Variants in EYS observed in about 807,000 individuals in gnomAD.
EYS encodes the protein EGF-like photoreceptor maintenance factor, also known as protein eyes shut homolog.
EYS carries 250 observed loss-of-function variants against 282.1 expected under a neutral mutation model. That is an observed-to-expected ratio of 0.89 (90% CI 0.80 to 0.98). The LOEUF (loss-of-function observed/expected upper bound fraction) is 0.98. Among genes scored for constraint, EYS ranks in the 50% least tolerant of loss-of-function variants. The probability of loss-of-function intolerance (pLI) is 0.00; values close to 1 mark genes in which losing one functional copy is unlikely to be tolerated. For synonymous variants in EYS, 1,355 were observed against 1,282.9 expected (o/e 1.06, Z -1.20); for missense variants, 4,016 against 3,709.0 (o/e 1.08, Z -2.15).
intron 22 of EYS, among the ~76,000 whole-genome samples, chr6:64,745,133 T>A (rs1308416199): frequency 6.6e-6 from 1 of 152,182 alleles, no homozygotes; most frequent in Non-Finnish European, 1.5e-5. Context: ...TGTTTCATTT[T>A]TTTCTTTGAA....
At chr6:64,545,552 A>G (rs1180581349) in intron 26 of EYS, among the ~76,000 whole-genome samples, 4 of 152,152 alleles carry the variant, frequency 2.6e-5, no homozygotes, top group African/African-American at 9.7e-5. Flanking sequence ...AATAAAGGGT[A>G]TTCAGTTAGG....
At chr6:64,242,151 G>A (rs1766855745) in intron 30 of EYS, among the ~76,000 whole-genome samples, 1 of 152,140 alleles carries the variant, frequency 6.6e-6, no homozygotes, top group African/African-American at 2.4e-5. Flanking sequence ...TTGACTTGGA[G>A]TGGAGAGTTC....
intron 21 of EYS, among the ~76,000 whole-genome samples, chr6:64,817,045 A>C (rs1006424352): frequency 6.6e-6 from 1 of 151,802 alleles, no homozygotes; most frequent in African/African-American, 2.4e-5. Flanking sequence ...TGTGTGTGTA[A>C]TGAATGTTCC....
At chr6:64,664,982 C>A (rs751357728) in intron 22 of EYS, among the ~76,000 whole-genome samples, 30 of 152,112 alleles carry the variant, frequency 2.0e-4, no homozygotes, top group Non-Finnish European at 4.0e-4. Context: ...CTATAGAGTA[C>A]ATCAATTTCT....
chr6:63,980,041 A>G (rs1162721684), intron 35 of EYS, among the ~76,000 whole-genome samples: 1 of 151,896 alleles, frequency 6.6e-6, no homozygotes, highest in Non-Finnish European at 1.5e-5. Flanking sequence ...CAAGGTACAA[A>G]AATTAGTGAT....
chr6:64,199,832 A>G (rs991614830), intron 31 of EYS, among the ~76,000 whole-genome samples: 54 of 152,294 alleles, frequency 3.5e-4, no homozygotes, highest in African/African-American at 1.2e-3. Flanking sequence ...GCTCTTAGGT[A>G]TTTACTGATA....
At chr6:64,230,903 A>AT (rs1475435049) in intron 30 of EYS, 79 bp from the exon 31 acceptor site, 1 of 851,862 alleles carries the variant, frequency 1.2e-6, no homozygotes, top group Non-Finnish European at 1.8e-6. Flanking sequence ...AGAAAATTTG[A>AT]TTTAATATAA....
intron 12 of EYS, among the ~76,000 whole-genome samples, chr6:65,109,244 C>A (rs6934070): frequency 1.3e-5 from 2 of 151,524 alleles, no homozygotes; most frequent in African/African-American, 4.8e-5. Context: ...GGTCGAAACT[C>A]TTGATTTTCC....
intron 30 of EYS, among the ~76,000 whole-genome samples, chr6:64,264,067 G>T (rs1270033543): frequency 6.6e-6 from 1 of 150,878 alleles, no homozygotes; most frequent in Non-Finnish European, 1.5e-5. Context: ...AGATATTTTA[G>T]ATGGAATATT....
intron 22 of EYS, among the ~76,000 whole-genome samples, chr6:64,627,872 G>A (rs1260376185): frequency 6.6e-6 from 1 of 152,174 alleles, no homozygotes; most frequent in African/African-American, 2.4e-5. Flanking sequence ...GAGGTCAGGA[G>A]ATCGAGACCA....
chr6:63,861,767 T>C (rs922564269), intron 36 of EYS, among the ~76,000 whole-genome samples: 1 of 152,184 alleles, frequency 6.6e-6, no homozygotes, highest in Non-Finnish European at 1.5e-5. Context: ...GGGAGCTAGT[T>C]AGTCCCTTCC....
rs150087880 is a variant in EYS at position 65,311,398 on chromosome 6, C to T, written c.1767-15279G>A. ...AGCTGCTTTATGCATATTTGACCAA[C>T]GTTGCACTTTAAGCAATTACAGATA... On this transcript the variant is annotated intron_variant, in intron 11 of 42. Coordinates refer to ENST00000503581, the MANE Select transcript of EYS (RefSeq NM_001142800.2). Among the ~76,000 whole-genome samples, 976 of 152,284 alleles carry T rather than the reference C, an allele frequency of 6.4e-3. 6 individuals carry two copies. Among genetic ancestry groups the T allele is most frequent in the Non-Finnish European group, 0.01 (682 of 68,028 alleles).
intron 2 of EYS, among the ~76,000 whole-genome samples, chr6:65,585,592 G>T (rs1765017137): frequency 6.6e-6 from 1 of 151,804 alleles, no homozygotes; most frequent in African/African-American, 2.4e-5. Context: ...TTCAATAACA[G>T]TTTTTAGTGT....
At chr6:64,622,446 G>T (rs781716319) in intron 23 of EYS, among the ~76,000 whole-genome samples, 3 of 152,092 alleles carry the variant, frequency 2.0e-5, no homozygotes, top group Non-Finnish European at 4.4e-5. Context: ...TTATATCCAG[G>T]TTAAATTTCA....
intron 31 of EYS, among the ~76,000 whole-genome samples, chr6:64,168,072 C>A (rs975911807): frequency 3.9e-5 from 6 of 152,098 alleles, no homozygotes; most frequent in Non-Finnish European, 5.9e-5. Flanking sequence ...ACCATCCTGG[C>A]TAACACTGTG....
rs1414522471 is a variant in EYS at position 64,689,204 on chromosome 6, G to T, written c.3444-62959C>A. Among the ~76,000 whole-genome samples, 10 of 152,240 alleles carry T rather than the reference G, an allele frequency of 6.6e-5. No individual in the cohort carries two copies. In the East Asian group the frequency reaches 1.9e-3, roughly 29 times the overall value. ...AGACAAACAGAGAGCCAAATCATGAGTGAACTCCCATTCACAATTGCTTCA... is the reference window on the plus strand; with the variant it reads ...AGACAAACAGAGAGCCAAATCATGATTGAACTCCCATTCACAATTGCTTCA... On this transcript the variant is annotated intron_variant, in intron 22 of 42. Transcript: ENST00000503581.
chr6:64,963,908 AT>A (rs1285185470), intron 14 of EYS, among the ~76,000 whole-genome samples: 2 of 152,170 alleles, frequency 1.3e-5, no homozygotes, highest in Non-Finnish European at 2.9e-5. Context: ...GTAATACATA[AT>A]ATAGAATTAC....
chr6:65,255,808 A>G (rs1269801649), intron 12 of EYS, among the ~76,000 whole-genome samples: 2 of 152,086 alleles, frequency 1.3e-5, no homozygotes, highest in Non-Finnish European at 2.9e-5. Context: ...ATATTATCTC[A>G]CCTCAGTTAA....
chr6:64,612,341 G>A (rs997497883), intron 24 of EYS, among the ~76,000 whole-genome samples: 2 of 152,086 alleles, frequency 1.3e-5, no homozygotes, highest in African/African-American at 2.4e-5. Flanking sequence ...ATCGGTTAAT[G>A]CATGGAGATC....
Sources: allele counts gnomAD v4.1 joint callset (sites outside exome capture counted in the v4.1 genomes callset), GRCh38; gene constraint gnomAD v4.1.1; transcripts MANE v1.5; gene names NCBI Gene and HGNC (gene_info 2026-07-23, HGNC 2026-07-21).